GPC5: variants seen among roughly 807,000 people sequenced by gnomAD.
GPC5 encodes the protein glypican-5.
A neutral mutation model predicts 53.9 loss-of-function variants in GPC5; 47 were observed. The observed-to-expected ratio is 0.87, with a 90% CI of 0.69 to 1.11. The LOEUF is 1.11. Ranked by LOEUF, GPC5 falls within the 50% of genes most tolerant of loss-of-function variation. The probability of loss-of-function intolerance (pLI) is 0.00; values close to 1 mark genes in which losing one functional copy is unlikely to be tolerated. For missense variants in GPC5, 748 were observed against 713.1 expected, an observed-to-expected ratio of 1.05 and a Z score of -0.56; for synonymous variants, 286 against 263.3, an observed-to-expected ratio of 1.09 and a Z score of -0.84.
intron 7 of GPC5, among the ~76,000 whole-genome samples, chr13:92,441,162 C>T (rs1459581556): frequency 1.3e-5 from 2 of 152,144 alleles, no homozygotes; most frequent in Admixed American, 6.5e-5. Flanking sequence ...ACCTCTGCCT[C>T]CTGGGTTCAA....
rs1566400471 is a variant in GPC5, at chr13:92,751,302, T to TAAAAAAAAAAAAAAAA, written c.1562-114980_1562-114979insAAAAAAAAAAAAAAAA. ...AAAACCTTTGGTCATCCAGAAACAT[T>TAAAAAAAAAAAAAAAA]TAAAAAAAAAAAAAAAAAAAAAAAA... On this transcript the variant is annotated intron_variant, in intron 7 of 7. Coordinates refer to ENST00000377067, the MANE Select transcript of GPC5 (RefSeq NM_004466.6). 6.0e-3 allele frequency among the ~76,000 whole-genome samples: 208 copies of TAAAAAAAAAAAAAAAA among 34,382 alleles called. 44 individuals carry two copies. The highest frequency in any genetic ancestry group is 7.8e-3 in the African/African-American group (76 of 9,784). The allele number at this position is 34,382 out of a possible 152,430, so 22.6% of individuals were successfully genotyped here.
At chr13:92,500,369 G>T (rs1213334866) in intron 7 of GPC5, among the ~76,000 whole-genome samples, 1 of 152,134 alleles carries the variant, frequency 6.6e-6, no homozygotes, top group East Asian at 1.9e-4. Context: ...AATGACAAAA[G>T]TCTCAAGTAA....
intron 7 of GPC5, among the ~76,000 whole-genome samples, chr13:92,159,245 G>A (rs1015207022): frequency 1.3e-5 from 2 of 152,128 alleles, no homozygotes; most frequent in Non-Finnish European, 2.9e-5. Flanking sequence ...CCTAAAAGGA[G>A]ATTAAAAGAG....
At chr13:92,471,536 G>A (rs1446295836) in intron 7 of GPC5, among the ~76,000 whole-genome samples, 2 of 124,926 alleles carry the variant, frequency 1.6e-5, no homozygotes, top group African/African-American at 3.6e-5. Flanking sequence ...AATAAGGAAC[G>A]TACATCTGGC....
chr13:91,718,258 C>G (rs1386712540), intron 3 of GPC5, among the ~76,000 whole-genome samples: 9 of 152,118 alleles, frequency 5.9e-5, no homozygotes, highest in Non-Finnish European at 1.3e-4. Context: ...CTACAGGCGT[C>G]TGCCACCACG....
intron 2 of GPC5, among the ~76,000 whole-genome samples, chr13:91,632,685 G>C (rs1887166): frequency 9.2e-5 from 14 of 152,006 alleles, no homozygotes; most frequent in African/African-American, 3.1e-4. Flanking sequence ...AGAGAGAAAA[G>C]ATATATTAGG....
intron 7 of GPC5, among the ~76,000 whole-genome samples, chr13:92,643,075 G>T (rs943259741): frequency 6.6e-6 from 1 of 151,936 alleles, no homozygotes; most frequent in Admixed American, 6.6e-5. Context: ...GGGGTTGTTC[G>T]TTTTTTTCTT....
intron 6 of GPC5, among the ~76,000 whole-genome samples, chr13:92,136,114 TAGTG>T (rs2041782291): frequency 2.0e-5 from 3 of 152,238 alleles, no homozygotes; most frequent in Admixed American, 1.3e-4. Flanking sequence ...ATGCTCTAAA[TAGTG>T]AGTCATGTTA....
At chr13:92,861,934 A>G (rs890130097) in intron 7 of GPC5, among the ~76,000 whole-genome samples, 2 of 152,142 alleles carry the variant, frequency 1.3e-5, no homozygotes, top group African/African-American at 4.8e-5. Flanking sequence ...AGCCAGAAAG[A>G]TGTTTTGATT....
chr13:92,701,324 C>T (rs1020213924), intron 7 of GPC5: 1 of 152,060 alleles, frequency 6.6e-6, no homozygotes, highest in South Asian at 2.1e-4. Context: ...TTTCACCAGA[C>T]CAACATTAAA....
At chr13:91,784,037 C>G (rs1185666619) in intron 5 of GPC5, among the ~76,000 whole-genome samples, 1 of 152,082 alleles carries the variant, frequency 6.6e-6, no homozygotes, top group Non-Finnish European at 1.5e-5. Context: ...TTAGGAAGTA[C>G]TTTAAAACAG....
intron 7 of GPC5, among the ~76,000 whole-genome samples, chr13:92,216,774 G>A (rs1202196079): frequency 6.6e-6 from 1 of 152,074 alleles, no homozygotes; most frequent in South Asian, 2.1e-4. Context: ...GAGGTCAGGA[G>A]TTTGAGACCA....
At chr13:91,446,154 G>A (rs1390337171) in intron 1 of GPC5, among the ~76,000 whole-genome samples, 2 of 152,202 alleles carry the variant, frequency 1.3e-5, no homozygotes, top group South Asian at 2.1e-4. Context: ...TGGAGATTTG[G>A]AGATAGTGAA....
intron 5 of GPC5, among the ~76,000 whole-genome samples, chr13:91,904,431 T>G (rs1336075860): frequency 6.6e-5 from 10 of 151,980 alleles, no homozygotes; most frequent in African/African-American, 2.2e-4. Flanking sequence ...AAAATAACAT[T>G]TTGCACCAAG....
chr13:91,510,053 A>T (rs541447937), intron 2 of GPC5, among the ~76,000 whole-genome samples: 3 of 152,304 alleles, frequency 2.0e-5, no homozygotes, highest in Admixed American at 2.0e-4. Flanking sequence ...CATATAAAAC[A>T]TACTATATAT....
intron 7 of GPC5, among the ~76,000 whole-genome samples, chr13:92,480,782 TA>T (rs1400782908): frequency 1.3e-5 from 2 of 152,156 alleles, no homozygotes; most frequent in African/African-American, 4.8e-5. Context: ...GTGATTAAAT[TA>T]AGGATCTGGA....
intron 7 of GPC5, among the ~76,000 whole-genome samples, chr13:92,801,744 A>G (rs1876916737): frequency 6.6e-6 from 1 of 151,702 alleles, no homozygotes; most frequent in Non-Finnish European, 1.5e-5. Context: ...ACATTTTTAA[A>G]TGTTACTTAT....
chr13:91,399,053 GC>G lies in GPC5; in HGVS notation c.8del (p.Ala3AspfsTer94). The G allele has an allele frequency of 6.4e-7, 1 of 1,554,578 alleles. No homozygotes were observed. Among genetic ancestry groups the G allele is most frequent in the Non-Finnish European group, 8.7e-7 (1 of 1,149,462 alleles). MD[A>X]QTWPVGFRCL... ...GGGGACCAGGACGGCGAGGATGGAC[GC>G]ACAGACCTGGCCCGTGGGCTTTCGC... is the stretch of plus-strand genomic sequence containing the variant. On this transcript the variant is annotated frameshift_variant, in exon 1 of 8. Coordinates refer to ENST00000377067, the MANE Select transcript of GPC5 (RefSeq NM_004466.6). LOFTEE classifies it high-confidence loss of function.
chr13:92,391,739 C>A (rs1365679415), intron 7 of GPC5, among the ~76,000 whole-genome samples: 1 of 151,962 alleles, frequency 6.6e-6, no homozygotes, highest in Non-Finnish European at 1.5e-5. Flanking sequence ...TAAAATTGGC[C>A]AATTTTCTTC....
Sources: gnomAD v4.1 joint callset for allele counts (sites outside exome capture counted in the v4.1 genomes callset) on GRCh38, gnomAD v4.1.1 for gene constraint, MANE v1.5 for transcripts, NCBI Gene and HGNC (gene_info 2026-07-23, HGNC 2026-07-21) for gene names.